KIF26B: variants seen among roughly 807,000 people sequenced by gnomAD.
KIF26B encodes kinesin family member 26B.
Under a neutral mutation model 151.2 loss-of-function variants are expected in KIF26B, and 63 were observed. The observed-to-expected ratio is 0.42, with a 90% CI of 0.34 to 0.51. KIF26B has a LOEUF of 0.51. Ranked by LOEUF, KIF26B falls within the 20% of genes least tolerant of loss-of-function variation. KIF26B has a pLI of 0.07. For missense variants in KIF26B, 2,813 were observed against 2,913.6 expected (o/e 0.97, Z 0.79); for synonymous variants, 1,357 against 1,262.1 (o/e 1.08, Z -1.59).
At chr1:245,438,942 G>A (rs1192850573) in intron 4 of KIF26B, among the ~76,000 whole-genome samples, 1 of 152,124 alleles carries the variant, frequency 6.6e-6, no homozygotes, top group Non-Finnish European at 1.5e-5. Context: ...GAAATGTTTG[G>A]GGGTAATGGA....
intron 5 of KIF26B, among the ~76,000 whole-genome samples, chr1:245,543,863 G>A (rs550982420): frequency 1.3e-5 from 2 of 152,082 alleles, no homozygotes; most frequent in South Asian, 2.1e-4. Context: ...CAGGAGAATC[G>A]CTTGAACCTG....
rs768071345 is a variant in KIF26B, at chr1:245,607,717, G to A, written c.1624G>A (p.Val542Met). The A allele has an allele frequency of 6.2e-6, 10 of 1,612,966 alleles. No individual in the cohort carries two copies. The highest frequency in any genetic ancestry group is 2.7e-5 in the African/African-American group (2 of 74,926). Residue 542 changes from valine to methionine, a missense_variant, in exon 7 of 15, where the codon GTG becomes ATG. Physicochemically the swap from Val to Met is conservative, Grantham distance 21 (BLOSUM62 1). Around this residue, in one of 3 missense-constraint regions of KIF26B, gnomAD observed 77 missense variants for 136.9 expected, o/e 0.56. Coordinates refer to ENST00000407071, the MANE Select transcript of KIF26B (RefSeq NM_018012.4). ...QSVVNGADGCVFCFGHAKLGK... is the reference protein window; with the variant it reads ...QSVVNGADGCMFCFGHAKLGK... ...TGTGGTCAACGGGGCAGATGGCTGCGTGTTCTGTTTCGGCCACGCCAAACT... is the reference window on the plus strand; with the variant it reads ...TGTGGTCAACGGGGCAGATGGCTGCATGTTCTGTTTCGGCCACGCCAAACT...
intron 2 of KIF26B, among the ~76,000 whole-genome samples, chr1:245,317,482 C>A (rs1671801898): frequency 6.6e-6 from 1 of 152,176 alleles, no homozygotes; most frequent in Admixed American, 6.5e-5. Context: ...TAAATACCAC[C>A]TTGGGGAATG....
At chr1:245,329,534 A>G (rs1469262776) in intron 2 of KIF26B, among the ~76,000 whole-genome samples, 1 of 152,200 alleles carries the variant, frequency 6.6e-6, no homozygotes, top group Non-Finnish European at 1.5e-5. Flanking sequence ...CCAACCCTCC[A>G]TGTGTGGAAG....
intron 4 of KIF26B, among the ~76,000 whole-genome samples, chr1:245,499,965 T>TA (rs1293636729): frequency 1.3e-5 from 2 of 152,228 alleles, no homozygotes; most frequent in Non-Finnish European, 2.9e-5. Flanking sequence ...GTGGAAGCGT[T>TA]TCCTTCCTGC....
chr1:245,565,899 C>T (rs1461444762), intron 5 of KIF26B, among the ~76,000 whole-genome samples: 2 of 152,208 alleles, frequency 1.3e-5, no homozygotes, highest in Non-Finnish European at 2.9e-5. Context: ...AGTGAGGCCT[C>T]AGGAAGCTTC....
At chr1:245,632,336 T>C (rs1167489235) in intron 9 of KIF26B, among the ~76,000 whole-genome samples, 1 of 152,220 alleles carries the variant, frequency 6.6e-6, no homozygotes, top group Non-Finnish European at 1.5e-5. Context: ...GTACAGTTTC[T>C]AAAGTTCTTG....
At chr1:245,472,699 C>G (rs1014873210) in intron 4 of KIF26B, among the ~76,000 whole-genome samples, 2 of 152,210 alleles carry the variant, frequency 1.3e-5, no homozygotes, top group African/African-American at 2.4e-5. Flanking sequence ...TTCTCTGGCT[C>G]ACTTCACCTT....
At chr1:245,548,140 C>T (rs1661790844) in intron 5 of KIF26B, among the ~76,000 whole-genome samples, 1 of 152,168 alleles carries the variant, frequency 6.6e-6, no homozygotes, top group Non-Finnish European at 1.5e-5. Context: ...TAGAATTCAG[C>T]CCCTTATGTT....
chr1:245,432,884 G>A (rs991978825), intron 4 of KIF26B, among the ~76,000 whole-genome samples: 5 of 152,214 alleles, frequency 3.3e-5, no homozygotes, highest in African/African-American at 1.2e-4. Flanking sequence ...TAAAACCGGA[G>A]CATGGAGAGG....
chr1:245,622,634 G>A (rs1001799149), intron 9 of KIF26B, among the ~76,000 whole-genome samples: 3 of 152,162 alleles, frequency 2.0e-5, no homozygotes, highest in Non-Finnish European at 4.4e-5. Context: ...CAACAGCTTT[G>A]GGAAGTTTCC....
chr1:245,691,162 T>C (rs1025771048), intron 12 of KIF26B, among the ~76,000 whole-genome samples: 10 of 152,378 alleles, frequency 6.6e-5, no homozygotes, highest in African/African-American at 2.4e-4. Flanking sequence ...TTTGTTTTTT[T>C]CCCCAAGACT....
chr1:245,700,191 G>A (rs1465247180), intron 14 of KIF26B, among the ~76,000 whole-genome samples: 1 of 152,160 alleles, frequency 6.6e-6, no homozygotes, highest in Non-Finnish European at 1.5e-5. Context: ...CATACTAGCT[G>A]TGGGACCTCA....
At chr1:245,261,046 TTCTC>T (rs759138883) in intron 2 of KIF26B, among the ~76,000 whole-genome samples, 18 of 150,420 alleles carry the variant, frequency 1.2e-4, no homozygotes, top group Middle Eastern at 3.5e-3. Flanking sequence ...TTTCTTTTCT[TTCTC>T]TCTCTCTCTC....
chr1:245,220,817 C>G (rs939039523), intron 2 of KIF26B, among the ~76,000 whole-genome samples: 12 of 152,006 alleles, frequency 7.9e-5, no homozygotes, highest in African/African-American at 2.7e-4. Flanking sequence ...TATGGACAGG[C>G]TTTTGGGGAG....
At chr1:245,494,653 A>G (rs1038835156) in intron 4 of KIF26B, among the ~76,000 whole-genome samples, 3 of 152,254 alleles carry the variant, frequency 2.0e-5, no homozygotes, top group Admixed American at 6.5e-5. Flanking sequence ...TACTGGCATT[A>G]TCAGACATAA....
At position 245,708,117 on chromosome 1, in the gene KIF26B, G is replaced by T. The variant is rs1040351145; in HGVS notation, c.*5511G>T. 1 of 152,244 alleles carries T rather than the reference G, an allele frequency of 6.6e-6. No homozygotes were observed. The highest frequency in any genetic ancestry group is 2.1e-4 in the South Asian group (1 of 4,834). The allele number at this position is 152,244 out of a possible 1,614,324, so 9.4% of individuals were successfully genotyped here. The stretch of plus-strand genomic sequence containing the variant: ...TGAGCTAGGAGCAAGGACATGGGCC[G>T]CCAGGCCTGGTTGTTACTAGCTGTG... On this transcript the variant is annotated 3_prime_UTR_variant, in exon 15 of 15. Transcript: ENST00000407071.
At chr1:245,490,457 G>A (rs1477885163) in intron 4 of KIF26B, among the ~76,000 whole-genome samples, 5 of 151,704 alleles carry the variant, frequency 3.3e-5, no homozygotes, top group East Asian at 1.9e-4. Flanking sequence ...GACTACAGGC[G>A]CACACCACCA....
chr1:245,393,581 A>T (rs987632470), intron 3 of KIF26B, among the ~76,000 whole-genome samples: 1 of 152,124 alleles, frequency 6.6e-6, no homozygotes, highest in African/African-American at 2.4e-5. Context: ...AGGAGCATGG[A>T]AGGGATTGGT....
Sources: gnomAD v4.1 joint callset for allele counts (sites outside exome capture counted in the v4.1 genomes callset) on GRCh38, gnomAD v4.1.1 for gene constraint, gnomAD v4.1.1 regional missense constraint, MANE v1.5 for transcripts, NCBI Gene and HGNC (gene_info 2026-07-23, HGNC 2026-07-21) for gene names.